Variants in ZFR2 observed in about 807,000 individuals in gnomAD.
ZFR2 encodes the protein zinc finger RNA binding protein 2.
ZFR2 carries 104 observed loss-of-function variants against 105.7 expected under a neutral mutation model. That is an observed-to-expected ratio of 0.98 (90% CI 0.84 to 1.16). ZFR2 has a LOEUF of 1.16. Ranked by LOEUF, ZFR2 falls within the 50% of genes most tolerant of loss-of-function variation. The pLI, the probability that ZFR2 is intolerant of heterozygous loss-of-function variation, is 0.00. For missense variants in ZFR2, 1,425 were observed against 1,355.5 expected (o/e 1.05, Z -0.80); for synonymous variants, 634 against 597.7 (o/e 1.06, Z -0.89).
At chr19:3,832,522 A>G (rs1364866866) in intron 3 of ZFR2, among the ~76,000 whole-genome samples, 2 of 151,534 alleles carry the variant, frequency 1.3e-5, no homozygotes, top group South Asian at 2.1e-4. Context: ...GGGTTTCACC[A>G]TGTTGGCCAG....
At chr19:3,846,979 A>G (rs939795094) in intron 1 of ZFR2, among the ~76,000 whole-genome samples, 1 of 152,238 alleles carries the variant, frequency 6.6e-6, no homozygotes, top group African/African-American at 2.4e-5. Flanking sequence ...TGAGGTTGCC[A>G]ATGAGAGGTC....
rs112202326 is a variant in ZFR2 at position 3,838,081 on chromosome 19, C to T, written c.54-3098G>A. Among the ~76,000 whole-genome samples the T allele has an allele frequency of 4.7e-3, 702 of 147,998 alleles. 6 individuals are homozygous for T. The highest frequency in any genetic ancestry group is 0.017 in the African/African-American group (681 of 39,948). On this transcript the variant is annotated intron_variant, in intron 1 of 18. Coordinates refer to ENST00000262961, the MANE Select transcript of ZFR2 (RefSeq NM_015174.2). The surrounding 1 kb of genome is among the most constrained non-coding windows in gnomAD (Gnocchi z 4.9). ...CGTGACACGTGATGAACACCATGACCGTGACACGCGATGAACACCGTGACC... is the reference window on the plus strand; with the variant it reads ...CGTGACACGTGATGAACACCATGACTGTGACACGCGATGAACACCGTGACC...
chr19:3,830,657 G>A (rs990395206), intron 5 of ZFR2, among the ~76,000 whole-genome samples: 4 of 152,202 alleles, frequency 2.6e-5, no homozygotes, highest in African/African-American at 7.2e-5. Flanking sequence ...CAGAGTCTGC[G>A]ATTGCAGACT....
rs1326242745 is a variant in ZFR2, at chr19:3,831,477, G to A, written c.678C>T (p.Pro226=). ...PFYPPAQPPP[P]PGPPQQLPPP... ...GGGGCAGCTGCTGCGGGGGTCCCGG[G>A]GGAGGCGGGGGCTGCGCTGGAGGAT... The change falls in exon 5 of 19, where the codon CCC becomes CCT. Residue 226 remains proline, a synonymous_variant. Coordinates refer to ENST00000262961, the MANE Select transcript of ZFR2 (RefSeq NM_015174.2). The A allele has an allele frequency of 1.3e-6, 2 of 1,549,650 alleles. No individual in the cohort carries two copies. Among genetic ancestry groups the A allele is most frequent in the South Asian group, 1.2e-5 (1 of 83,992 alleles).
At chr19:3,816,579 C>A in intron 13 of ZFR2, 95 bp downstream of exon 13, 1 of 1,466,684 alleles carries the variant, frequency 6.8e-7, no homozygotes, top group South Asian at 1.4e-5. Flanking sequence ...TGTGTAGTAA[C>A]AAAGGTCCCC....
intron 8 of ZFR2, among the ~76,000 whole-genome samples, chr19:3,822,653 T>C (rs1477833319): frequency 6.6e-6 from 1 of 151,966 alleles, no homozygotes; most frequent in Non-Finnish European, 1.5e-5. Flanking sequence ...AAGTTTGAGG[T>C]TGCAGTGAGC....
intron 1 of ZFR2, among the ~76,000 whole-genome samples, chr19:3,850,961 CAGG>C (rs1330178979): frequency 6.7e-6 from 1 of 149,056 alleles, no homozygotes; most frequent in South Asian, 2.1e-4. Flanking sequence ...GAAAAAGCCA[CAGG>C]AGGACACTGT....
chr19:3,829,405 C>A (rs1005719094), intron 5 of ZFR2, among the ~76,000 whole-genome samples: 1 of 152,038 alleles, frequency 6.6e-6, no homozygotes, highest in African/African-American at 2.4e-5. Flanking sequence ...CAAGATGCTA[C>A]CGCTAAATCA....
Position 3,813,135 on chromosome 19 carries a change from C to T in ZFR2, c.2242+685G>A, listed in dbSNP as rs1229546810. Among the ~76,000 whole-genome samples the T allele has an allele frequency of 2.0e-5, 3 of 152,174 alleles. No homozygotes were observed. Among genetic ancestry groups the T allele is most frequent in the Non-Finnish European group, 4.4e-5 (3 of 68,032 alleles). On this transcript the variant is annotated intron_variant, in intron 14 of 18. Coordinates refer to ENST00000262961, the MANE Select transcript of ZFR2 (RefSeq NM_015174.2). This position sits in a 1 kb window ranked among gnomAD's most constrained non-coding sequence, Gnocchi z 4.4. ...GATTGAAAGAGAAACATCAGTAGGTCATGGCCCTCAGTTATGACCAAAAAA... is the reference window on the plus strand; with the variant it reads ...GATTGAAAGAGAAACATCAGTAGGTTATGGCCCTCAGTTATGACCAAAAAA...
chr19:3,819,710 G>A (rs1348309144), intron 11 of ZFR2, among the ~76,000 whole-genome samples: 3 of 152,138 alleles, frequency 2.0e-5, no homozygotes, highest in Non-Finnish European at 4.4e-5. Flanking sequence ...AAGAGAGCCC[G>A]GCGTGGTGGC....
intron 5 of ZFR2, among the ~76,000 whole-genome samples, chr19:3,830,301 C>T (rs1041716751): frequency 8.6e-5 from 13 of 151,978 alleles, no homozygotes; most frequent in Non-Finnish European, 1.9e-4. Context: ...ATTAGCTGGG[C>T]ATGGTGGTTC....
intron 17 of ZFR2, among the ~76,000 whole-genome samples, chr19:3,808,238 C>T (rs1019993753): frequency 1.4e-4 from 21 of 152,040 alleles, no homozygotes; most frequent in African/African-American, 4.8e-4. Flanking sequence ...TGCGTGTGCC[C>T]GTGTGTGCAA....
At chr19:3,833,892 G>A (rs937928982) in intron 2 of ZFR2, 114 bp from the exon 3 acceptor site, 66 of 826,160 alleles carry the variant, frequency 8.0e-5, no homozygotes, top group Non-Finnish European at 1.2e-4. Context: ...CTGCAGCGCT[G>A]GCTCCTAAGC....
Position 3,808,856 on chromosome 19 carries a change from C to T in ZFR2, c.2545+16G>A, listed in dbSNP as rs116732527. 688 of 1,533,758 alleles carry T rather than the reference C, an allele frequency of 4.5e-4. No homozygotes were observed. The African/African-American group carries it at 5.5e-3, about 12-fold the overall frequency. ...TTTGCCGCCCACCTCCTGGGCCCTC[C>T]GGCCCAGCGACTGACCTGTCAGGAG... On this transcript the variant is annotated intron_variant, in intron 17 of 18. Coordinates refer to ENST00000262961, the MANE Select transcript of ZFR2 (RefSeq NM_015174.2).
chr19:3,862,966 A>C (rs2038389467), intron 1 of ZFR2, among the ~76,000 whole-genome samples: 1 of 152,204 alleles, frequency 6.6e-6, no homozygotes, highest in African/African-American at 2.4e-5. Context: ...CCACGGTCTC[A>C]CTTTCCTGGG....
chr19:3,838,232 C>T lies in ZFR2; in HGVS notation c.54-3249G>A, dbSNP rs1317701939. Reference sequence around the variant, plus strand: ...ATACATTCGATGAACACCGTGACTACTGACATTTGATGAACACTGTGACTA... The same window carrying T: ...ATACATTCGATGAACACCGTGACTATTGACATTTGATGAACACTGTGACTA... On this transcript the variant is annotated intron_variant, in intron 1 of 18. Coordinates refer to ENST00000262961, the MANE Select transcript of ZFR2 (RefSeq NM_015174.2). The surrounding 1 kb of genome is among the most constrained non-coding windows in gnomAD (Gnocchi z 4.9). 2.0e-5 allele frequency among the ~76,000 whole-genome samples: 3 copies of T among 152,172 alleles called. No individual in the cohort carries two copies. Among genetic ancestry groups the T allele is most frequent in the Non-Finnish European group, 4.4e-5 (3 of 68,040 alleles).
At chr19:3,810,923 G>A (rs958411070) in intron 15 of ZFR2, 78 bp from the exon 16 acceptor site, 16 of 1,467,382 alleles carry the variant, frequency 1.1e-5, no homozygotes, top group African/African-American at 4.2e-5. Context: ...TGTCGTGAGC[G>A]TGAACCCCAG....
At chr19:3,857,652 C>T (rs1056328399) in intron 1 of ZFR2, among the ~76,000 whole-genome samples, 7 of 148,258 alleles carry the variant, frequency 4.7e-5, no homozygotes, top group African/African-American at 7.5e-5. Flanking sequence ...GCCGAGATTG[C>T]GCCACTGCAC....
intron 6 of ZFR2, among the ~76,000 whole-genome samples, chr19:3,826,129 G>A (rs543712774): frequency 6.6e-6 from 1 of 151,936 alleles, no homozygotes; most frequent in Non-Finnish European, 1.5e-5. Flanking sequence ...CTAGCTCTCC[G>A]GTCCCCAGGC....
Sources: gnomAD v4.1 joint callset for allele counts (sites outside exome capture counted in the v4.1 genomes callset) on GRCh38, gnomAD v4.1.1 for gene constraint, Gnocchi (gnomAD v3.1) non-coding constraint, MANE v1.5 for transcripts, NCBI Gene and HGNC (gene_info 2026-07-23, HGNC 2026-07-21) for gene names.